Variants in PRKN observed in about 807,000 individuals in gnomAD.
PRKN encodes the protein E3 ubiquitin-protein ligase parkin.
In PRKN, 56 loss-of-function variants were observed where a neutral mutation model predicts 59.5. The observed-to-expected ratio is 0.94, with a 90% CI of 0.76 to 1.18. PRKN has a LOEUF of 1.18. Among genes scored for constraint, PRKN ranks in the 50% most tolerant of loss-of-function variants. The pLI is 0.00. For missense variants in PRKN, 657 were observed against 596.4 expected, an observed-to-expected ratio of 1.10 and a Z score of -1.06; for synonymous variants, 250 against 222.1, an observed-to-expected ratio of 1.13 and a Z score of -1.12.
chr6:161,733,580 T>A (rs572876831), intron 7 of PRKN, among the ~76,000 whole-genome samples: 1 of 152,116 alleles, frequency 6.6e-6, no homozygotes, highest in South Asian at 2.1e-4. Context: ...AGATTTGTCA[T>A]GACATAATTG....
Position 161,390,741 on chromosome 6 carries a change from G to A in PRKN, c.1084-3864C>T, listed in dbSNP as rs1268670388. 6.6e-6 allele frequency among the ~76,000 whole-genome samples: 1 copy of A among 152,016 alleles called. No individual in the cohort carries two copies. The highest frequency in any genetic ancestry group is 1.5e-5 in the Non-Finnish European group (1 of 68,022). ...TGACCTCAGGTGATCCACCCGCCTC[G>A]GCCTCCCAAAGTGCTGGGATTACAG... On this transcript the variant is annotated intron_variant, in intron 9 of 11. Transcript: ENST00000366898. This position sits in a 1 kb window ranked among gnomAD's most constrained non-coding sequence, Gnocchi z 7.0.
At chr6:162,070,902 C>T (rs1180670644) in intron 4 of PRKN, among the ~76,000 whole-genome samples, 1 of 151,940 alleles carries the variant, frequency 6.6e-6, no homozygotes, top group Non-Finnish European at 1.5e-5. Flanking sequence ...GGCTTGGGCA[C>T]CGCTGCCCTA....
At chr6:162,383,846 T>C (rs994729624) in intron 2 of PRKN, among the ~76,000 whole-genome samples, 1 of 152,248 alleles carries the variant, frequency 6.6e-6, no homozygotes, top group Non-Finnish European at 1.5e-5. Context: ...TTGCTGCAGC[T>C]TCTACATCAG....
At position 162,313,118 on chromosome 6, in the gene PRKN, C is replaced by T. The variant is rs572072339; in HGVS notation, c.172-50353G>A. ...TTATTTTTTAAATTGTGGTAAAGTA[C>T]ACATTTCATACAATTTGCCATCTTA... is the stretch of plus-strand genomic sequence containing the variant. On this transcript the variant is annotated intron_variant, in intron 2 of 11. Transcript: ENST00000366898. Among the ~76,000 whole-genome samples, 218 of 152,134 alleles carry T rather than the reference C, an allele frequency of 1.4e-3. 1 individual carries two copies. The highest frequency in any genetic ancestry group is 3.4e-3 in the Middle Eastern group (1 of 294).
chr6:162,592,547 C>T (rs2128214571), intron 1 of PRKN, among the ~76,000 whole-genome samples: 1 of 152,282 alleles, frequency 6.6e-6, no homozygotes, highest in Admixed American at 6.5e-5. Context: ...ACTGACTTAT[C>T]ACCTGCCTGC....
At chr6:162,316,338 C>T (rs1782753703) in intron 2 of PRKN, among the ~76,000 whole-genome samples, 1 of 151,974 alleles carries the variant, frequency 6.6e-6, no homozygotes, top group African/African-American at 2.4e-5. Context: ...GAGCCACAAC[C>T]AGGCTTATGA....
rs149663782 is a variant in PRKN at position 162,091,921 on chromosome 6, A to T, written c.535-37747T>A. On this transcript the variant is annotated intron_variant, in intron 4 of 11. Transcript: ENST00000366898. ...CATGGTGGCACATGCCTGTAGTTCA[A>T]GCTAGTTGGGAGGCTGAGGTGGGAG... Among the ~76,000 whole-genome samples, 1,006 of 152,268 alleles carry T rather than the reference A, an allele frequency of 6.6e-3. 7 individuals are homozygous for T. The highest frequency in any genetic ancestry group is 7.7e-3 in the Non-Finnish European group (524 of 68,022).
intron 7 of PRKN, among the ~76,000 whole-genome samples, chr6:161,721,535 A>G (rs1787220582): frequency 6.6e-6 from 1 of 152,232 alleles, no homozygotes; most frequent in Non-Finnish European, 1.5e-5. Flanking sequence ...TGATAAAATA[A>G]TAAAAAGTAA....
chr6:162,705,113 ACTGGCT>A (rs1778293052), intron 1 of PRKN, among the ~76,000 whole-genome samples: 4 of 152,342 alleles, frequency 2.6e-5, no homozygotes, highest in African/African-American at 9.6e-5. Flanking sequence ...ACTACTAAAA[ACTGGCT>A]CTTCCAACTT....
intron 7 of PRKN, among the ~76,000 whole-genome samples, chr6:161,681,683 C>T (rs1785370704): frequency 1.3e-5 from 2 of 152,210 alleles, no homozygotes; most frequent in South Asian, 4.1e-4. Context: ...GGAGCTTTTG[C>T]TGGCCACACA....
At chr6:162,244,910 G>A (rs890331948) in intron 3 of PRKN, among the ~76,000 whole-genome samples, 1 of 152,016 alleles carries the variant, frequency 6.6e-6, no homozygotes, top group Non-Finnish European at 1.5e-5. Context: ...CTCCATAAAA[G>A]AAGGAATGAT....
At chr6:161,974,671 GA>G (rs939339290) in intron 5 of PRKN, among the ~76,000 whole-genome samples, 20 of 148,398 alleles carry the variant, frequency 1.3e-4, no homozygotes, top group African/African-American at 3.5e-4. Flanking sequence ...TTTTGCTACT[GA>G]AAAAAAAAAT....
In PRKN at chr6:161,357,345, C is replaced by T. The variant is rs1383615105; in HGVS notation, c.1285+2743G>A. Reference sequence around the variant, plus strand: ...GGGATTACCGGTGTGAGCCACCACTCCCAGCCTCGCTGACCACTTCTTATC... The same window carrying T: ...GGGATTACCGGTGTGAGCCACCACTTCCAGCCTCGCTGACCACTTCTTATC... On this transcript the variant is annotated intron_variant, in intron 11 of 11. Coordinates refer to ENST00000366898, the MANE Select transcript of PRKN (RefSeq NM_004562.3). This position sits in a 1 kb window ranked among gnomAD's most constrained non-coding sequence, Gnocchi z 5.5. 1.3e-5 allele frequency among the ~76,000 whole-genome samples: 2 copies of T among 152,122 alleles called. No homozygotes were observed. Among genetic ancestry groups the T allele is most frequent in the Middle Eastern group, 3.2e-3 (1 of 316 alleles).
At chr6:161,879,098 A>T (rs1278546571) in intron 6 of PRKN, among the ~76,000 whole-genome samples, 1 of 152,080 alleles carries the variant, frequency 6.6e-6, no homozygotes, top group Non-Finnish European at 1.5e-5. Flanking sequence ...TCCAGATTCT[A>T]TATTTTCACA....
intron 3 of PRKN, among the ~76,000 whole-genome samples, chr6:162,249,790 T>C (rs1420919076): frequency 6.6e-6 from 1 of 152,148 alleles, no homozygotes; most frequent in African/African-American, 2.4e-5. Context: ...AATAAGGCCA[T>C]GTTTCATCTG....
intron 4 of PRKN, among the ~76,000 whole-genome samples, chr6:162,072,489 A>T (rs1778621161): frequency 6.6e-6 from 1 of 152,182 alleles, no homozygotes; most frequent in Non-Finnish European, 1.5e-5. Context: ...TGATTCTTGG[A>T]ATATCGATCC....
At position 161,581,934 on chromosome 6, in the gene PRKN, G is replaced by A. The variant is rs985775249; in HGVS notation, c.872-12518C>T. Among the ~76,000 whole-genome samples the A allele has an allele frequency of 1.3e-5, 2 of 152,146 alleles. No homozygotes were observed. The highest frequency in any genetic ancestry group is 1.9e-4 in the East Asian group (1 of 5,194). ...AACAGTCCACTCTTCACAGTGCTTA[G>A]GGCGTCCTTCGCTCATACTTCTTTG... On this transcript the variant is annotated intron_variant, in intron 7 of 11. Transcript: ENST00000366898. The surrounding 1 kb of genome is among the most constrained non-coding windows in gnomAD (Gnocchi z 4.5).
intron 1 of PRKN, among the ~76,000 whole-genome samples, chr6:162,641,074 T>A (rs962592412): frequency 1.3e-5 from 2 of 152,074 alleles, no homozygotes; most frequent in African/African-American, 4.8e-5. Context: ...ATTTCCAGGG[T>A]CTTCTCAAAA....
chr6:162,074,988 C>T (rs908923100), intron 4 of PRKN, among the ~76,000 whole-genome samples: 29 of 152,176 alleles, frequency 1.9e-4, no homozygotes, highest in African/African-American at 5.8e-4. Flanking sequence ...TAAAGCCTTA[C>T]AGATCTGGTG....
Sources: allele counts gnomAD v4.1 joint callset (sites outside exome capture counted in the v4.1 genomes callset), GRCh38; gene constraint gnomAD v4.1.1; non-coding constraint Gnocchi (gnomAD v3.1); transcripts MANE v1.5; gene names NCBI Gene and HGNC (gene_info 2026-07-23, HGNC 2026-07-21).